Variants in MICAL3 observed in about 807,000 individuals in gnomAD.
The protein encoded by MICAL3 is microtubule associated monooxygenase, calponin and LIM domain containing 3, also known as [F-actin]-monooxygenase MICAL3.
In MICAL3, 62 loss-of-function variants were observed where a neutral mutation model predicts 207.4. That is an observed-to-expected ratio of 0.30 (90% CI 0.24 to 0.37). The LOEUF (loss-of-function observed/expected upper bound fraction) is 0.37, where lower values mean the gene tolerates loss of function less well. MICAL3 is among the 10% of genes least tolerant of loss of function. The pLI is 1.00. For synonymous variants in MICAL3, 1,077 were observed against 1,069.3 expected (o/e 1.01, Z -0.14); for missense variants, 2,368 against 2,635.6 (o/e 0.90, Z 2.22).
rs571145170 is a variant in MICAL3 at position 17,952,915 on chromosome 22, G to A, written c.-74-46029C>T. On this transcript the variant is annotated intron_variant, in intron 1 of 31. Coordinates refer to ENST00000441493, the MANE Select transcript of MICAL3 (RefSeq NM_015241.3). ...ACAACACCCACCTCAGAGCACGGTT[G>A]TAACATATGTAAAATGCCTTTTACC... 5.9e-5 allele frequency among the ~76,000 whole-genome samples: 9 copies of A among 152,316 alleles called. No individual in the cohort carries two copies. The South Asian group carries it at 1.9e-3, about 32-fold the overall frequency.
At chr22:17,844,540 C>T (rs1924433034) in intron 19 of MICAL3, among the ~76,000 whole-genome samples, 1 of 152,182 alleles carries the variant, frequency 6.6e-6, no homozygotes, top group African/African-American at 2.4e-5. Context: ...GCATCCTCCA[C>T]CAAATAGCAT....
At chr22:17,905,510 G>A (rs1006237047) in intron 2 of MICAL3, among the ~76,000 whole-genome samples, 1 of 152,192 alleles carries the variant, frequency 6.6e-6, no homozygotes, top group Non-Finnish European at 1.5e-5. Flanking sequence ...CTTTGTTTTT[G>A]TTTTGTTCTT....
At chr22:17,801,659 T>C (rs994922817) in intron 29 of MICAL3, among the ~76,000 whole-genome samples, 3 of 151,434 alleles carry the variant, frequency 2.0e-5, no homozygotes, top group African/African-American at 7.3e-5. Flanking sequence ...TTTGGGAGGC[T>C]GAGGCGGGCG....
chr22:17,937,255 T>C (rs1209150990), intron 1 of MICAL3, among the ~76,000 whole-genome samples: 1 of 152,256 alleles, frequency 6.6e-6, no homozygotes, highest in African/African-American at 2.4e-5. Flanking sequence ...ACTCCCTAAC[T>C]GTTCTACCAC....
At chr22:17,797,921 C>T (rs1165554378) in intron 29 of MICAL3, among the ~76,000 whole-genome samples, 1 of 152,230 alleles carries the variant, frequency 6.6e-6, no homozygotes, top group East Asian at 1.9e-4. Context: ...TCTTGGTATC[C>T]ACCTCTGCCC....
At chr22:17,832,585 A>G (rs1030004869) in intron 20 of MICAL3, among the ~76,000 whole-genome samples, 4 of 152,216 alleles carry the variant, frequency 2.6e-5, no homozygotes, top group Admixed American at 2.6e-4. Context: ...CCTCGAGGGC[A>G]CAAGCAGGGC....
intron 1 of MICAL3, among the ~76,000 whole-genome samples, chr22:17,950,166 A>AT (rs10657913): frequency 0.12 from 17,621 of 143,906 alleles, 1,219 homozygotes; most frequent in Middle Eastern, 0.19. Flanking sequence ...ACAGCTGTCT[A>AT]TTTTTTTTTT....
chr22:17,941,558 ACAC>A (rs1379960255), intron 1 of MICAL3, among the ~76,000 whole-genome samples: 1 of 152,248 alleles, frequency 6.6e-6, no homozygotes, highest in Non-Finnish European at 1.5e-5. Context: ...TTCAAATGCT[ACAC>A]CAGAGCAACA....
chr22:17,855,752 C>T (rs1925818839), intron 19 of MICAL3, among the ~76,000 whole-genome samples: 1 of 152,188 alleles, frequency 6.6e-6, no homozygotes, highest in African/African-American at 2.4e-5. Flanking sequence ...GCTGTCTTTC[C>T]AGAGGCACAT....
chr22:18,014,513 TA>T (rs34721654), intron 1 of MICAL3, among the ~76,000 whole-genome samples: 13,938 of 152,136 alleles, frequency 0.092, 819 homozygotes, highest in Middle Eastern at 0.17. Flanking sequence ...CTCCATCACT[TA>T]AACATCTACA....
chr22:18,021,498 A>G (rs1363984852), intron 1 of MICAL3, among the ~76,000 whole-genome samples: 2 of 152,256 alleles, frequency 1.3e-5, no homozygotes, highest in African/African-American at 4.8e-5. Flanking sequence ...GGTGAAATGA[A>G]GGCATTGTCT....
rs779670018 is a variant in MICAL3, at chr22:17,790,713, T to TG, written c.*18dup. On this transcript the variant is annotated 3_prime_UTR_variant, in exon 32 of 32. Transcript: ENST00000441493. ...TGGCCAGGCGGATGCCAACAGAAAA[T>TG]GGAGCGTTGGGTGGGAGCTCAGGAC... 34 of 1,570,482 alleles carry TG rather than the reference T, an allele frequency of 2.2e-5. No homozygotes were observed. The South Asian group carries it at 3.6e-4, about 17-fold the overall frequency.
intron 1 of MICAL3, among the ~76,000 whole-genome samples, chr22:17,996,570 T>C (rs2146476220): frequency 6.6e-6 from 1 of 152,126 alleles, no homozygotes; most frequent in African/African-American, 2.4e-5. Flanking sequence ...AAACAGCAAG[T>C]CACGTACAAC....
chr22:17,872,903 G>C lies in MICAL3; in HGVS notation c.2242-880C>G. ...GACCAGAATGAAGGGAAATGAGAAG[G>C]AAAAAAATACATAAATTAAGAAGAC... On this transcript the variant is annotated intron_variant, in intron 16 of 31. Transcript: ENST00000441493. 5 of 1,174,624 alleles carry C rather than the reference G, an allele frequency of 4.3e-6. 1 individual carries two copies. The highest frequency in any genetic ancestry group is 3.9e-4 in the Middle Eastern group (2 of 5,152). The allele number at this position is 1,174,624 out of a possible 1,614,324, so 72.8% of individuals were successfully genotyped here. A position where few individuals can be genotyped will look rare whatever the true frequency, so the allele number is the denominator to read the frequency against.
intron 29 of MICAL3, among the ~76,000 whole-genome samples, chr22:17,802,860 A>T (rs1489202865): frequency 6.6e-6 from 1 of 152,120 alleles, no homozygotes; most frequent in Non-Finnish European, 1.5e-5. Flanking sequence ...AGGGAGGAGG[A>T]GCCACAGTCC....
chr22:17,943,862 G>A (rs764227344), intron 1 of MICAL3, among the ~76,000 whole-genome samples: 1 of 152,240 alleles, frequency 6.6e-6, no homozygotes, highest in African/African-American at 2.4e-5. Context: ...GGAAAAGGCA[G>A]TGCAGGTGAG....
chr22:17,927,703 C>T (rs965824438), intron 1 of MICAL3, among the ~76,000 whole-genome samples: 3 of 152,158 alleles, frequency 2.0e-5, no homozygotes, highest in Admixed American at 2.0e-4. Flanking sequence ...TTCTCTGAAC[C>T]TCTGCTTGTC....
chr22:17,944,553 A>G (rs897668544), intron 1 of MICAL3, among the ~76,000 whole-genome samples: 9 of 152,190 alleles, frequency 5.9e-5, no homozygotes, highest in African/African-American at 2.2e-4. Flanking sequence ...CTAATGGCAC[A>G]AGGGCAACAT....
chr22:17,911,027 A>C (rs201828259), intron 1 of MICAL3, among the ~76,000 whole-genome samples: 1 of 26,836 alleles, frequency 3.7e-5, no homozygotes, highest in Non-Finnish European at 5.9e-5. Flanking sequence ...GGGCTGGGGG[A>C]GGAAGAGGAG....
Sources: allele counts gnomAD v4.1 joint callset (sites outside exome capture counted in the v4.1 genomes callset), GRCh38; gene constraint gnomAD v4.1.1; transcripts MANE v1.5; gene names NCBI Gene and HGNC (gene_info 2026-07-23, HGNC 2026-07-21).